CHERP: variants seen among roughly 807,000 people sequenced by gnomAD.
The protein encoded by CHERP is calcium homeostasis endoplasmic reticulum protein.
Under a neutral mutation model 113.8 loss-of-function variants are expected in CHERP, and 8 were observed. That is an observed-to-expected ratio of 0.07 (90% confidence interval 0.04 to 0.13). The LOEUF is 0.13. CHERP is among the 10% of genes least tolerant of loss of function. The pLI is 1.00. For missense variants in CHERP, 884 were observed against 1,298.2 expected (o/e 0.68, Z 4.90); for synonymous variants, 559 against 524.5 (o/e 1.07, Z -0.90).
chr19:16,521,460 G>A (rs2085614666), intron 12 of CHERP, 61 bp downstream of exon 12: 7 of 1,448,498 alleles, frequency 4.8e-6, no homozygotes, highest in Non-Finnish European at 1.8e-6. Flanking sequence ...AGGTGTGGTT[G>A]CAGGGAGCCG....
rs1444487026 is a variant in CHERP at position 16,532,577 on chromosome 19, G to T, written c.674+21C>A. 6.3e-7 allele frequency: 1 copy of T among 1,577,976 alleles called. No homozygotes were observed. Among genetic ancestry groups the T allele is most frequent in the Admixed American group, 1.7e-5 (1 of 58,406 alleles). Reference sequence around the variant, plus strand: ...GGAGCGCGAGGAAGTGGCGCTCTGGGCACGGGGTGGCGGCGCTCACCAGTG... The same window carrying T: ...GGAGCGCGAGGAAGTGGCGCTCTGGTCACGGGGTGGCGGCGCTCACCAGTG... On this transcript the variant is annotated intron_variant, in intron 5 of 16. Transcript: ENST00000546361. This position sits in a 1 kb window ranked among gnomAD's most constrained non-coding sequence, Gnocchi z 4.4.
Position 16,518,939 on chromosome 19 carries a change from C to T in CHERP, c.*220G>A, listed in dbSNP as rs1039420266. The T allele has an allele frequency of 3.3e-5, 19 of 570,404 alleles. No individual in the cohort carries two copies. Among genetic ancestry groups the T allele is most frequent in the Non-Finnish European group, 5.5e-5 (18 of 327,340 alleles). The allele number at this position is 570,404 out of a possible 1,614,324, so 35.3% of individuals were successfully genotyped here. A position where few individuals can be genotyped will look rare whatever the true frequency, so the allele number is the denominator to read the frequency against. On this transcript the variant is annotated 3_prime_UTR_variant, in exon 17 of 17. Transcript: ENST00000546361. ...GAGCCTGGGGCCCTGGTGGCTGCAG[C>T]GCCTCCTGGTGTGGTTTGTGGGTGG...
chr19:16,535,758 G>C lies in CHERP; in HGVS notation c.200-122C>G, dbSNP rs889293705. On this transcript the variant is annotated intron_variant, in intron 2 of 16. Coordinates refer to ENST00000546361, the MANE Select transcript of CHERP (RefSeq NM_006387.6). This position sits in a 1 kb window ranked among gnomAD's most constrained non-coding sequence, Gnocchi z 4.3. Reference sequence around the variant, plus strand: ...AGGGACTCACCATCCACGAGGGCCTGTTCATAGCCTCATGCCCACGCAAAC... The same window carrying C: ...AGGGACTCACCATCCACGAGGGCCTCTTCATAGCCTCATGCCCACGCAAAC... 7.5e-6 allele frequency: 7 copies of C among 936,290 alleles called. No individual in the cohort carries two copies. Among genetic ancestry groups the C allele is most frequent in the Non-Finnish European group, 1.1e-5 (7 of 648,582 alleles). The allele number at this position is 936,290 out of a possible 1,614,324, so 58.0% of individuals were successfully genotyped here.
At chr19:16,537,045 G>A (rs2085745658) in intron 2 of CHERP, among the ~76,000 whole-genome samples, 1 of 151,980 alleles carries the variant, frequency 6.6e-6, no homozygotes, top group Admixed American at 6.6e-5. Flanking sequence ...AAACACATCA[G>A]AATATTCTGG....
chr19:16,536,091 G>A (rs989392046), intron 2 of CHERP, among the ~76,000 whole-genome samples: 2 of 152,112 alleles, frequency 1.3e-5, no homozygotes, highest in Non-Finnish European at 2.9e-5. Context: ...CACAGCCACC[G>A]GGCCTCTGCA....
At position 16,535,778 on chromosome 19, in the gene CHERP, G is replaced by T. The variant is rs1311519092; in HGVS notation, c.200-142C>A. The stretch of plus-strand genomic sequence containing the variant: ...GGCCTGTTCATAGCCTCATGCCCAC[G>T]CAAACCAGCTCCTCCTAGTCTCGGG... On this transcript the variant is annotated intron_variant, in intron 2 of 16. Coordinates refer to ENST00000546361, the MANE Select transcript of CHERP (RefSeq NM_006387.6). The surrounding 1 kb of genome is among the most constrained non-coding windows in gnomAD (Gnocchi z 4.3). The T allele has an allele frequency of 2.7e-5, 20 of 743,804 alleles. No homozygotes were observed. Among genetic ancestry groups the T allele is most frequent in the Non-Finnish European group, 4.0e-5 (19 of 477,694 alleles). The allele number at this position is 743,804 out of a possible 1,614,324, so 46.1% of individuals were successfully genotyped here. A position where few individuals can be genotyped will look rare whatever the true frequency, so the allele number is the denominator to read the frequency against.
At chr19:16,528,666 T>C (rs1043016911) in intron 8 of CHERP, among the ~76,000 whole-genome samples, 50 of 152,214 alleles carry the variant, frequency 3.3e-4, no homozygotes, top group African/African-American at 1.1e-3. Context: ...TTAAAATCCT[T>C]TGCTAGGCCG....
chr19:16,533,265 G>T, intron 3 of CHERP, 117 bp from the exon 4 acceptor site: 1 of 970,778 alleles, frequency 1.0e-6, no homozygotes, highest in Non-Finnish European at 1.5e-6. Context: ...CGGACTCTGG[G>T]CTGCTCTGGC....
chr19:16,525,563 C>T lies in CHERP; in HGVS notation c.1420G>A (p.Gly474Ser), dbSNP rs748125653. 90 of 1,540,864 alleles carry T rather than the reference C, an allele frequency of 5.8e-5. 1 individual carries two copies. In the African/African-American group the frequency reaches 1.1e-3, roughly 19 times the overall value. ...TTGTTCCAGGGCGCGTCGCGCTGGC[C>T]GTTCCAGCCGGGGTCACCGCGCTGC... ...GEQRGDPGWN[G>S]QRDAPWNNQP... The change falls in exon 10 of 17, where the codon GGC becomes AGC. Residue 474 changes from glycine to serine, a missense_variant. Physicochemically the swap from Gly to Ser is moderately conservative, Grantham distance 56 (BLOSUM62 0). This residue lies in a region of CHERP where 464 missense variants were observed against 590.1 expected (regional missense o/e 0.79). Transcript: ENST00000546361. This position sits in a 1 kb window ranked among gnomAD's most constrained non-coding sequence, Gnocchi z 6.5.
rs1048007564 is a variant in CHERP, at chr19:16,518,005, C to A, written c.*1154G>T. ...CATACATTTTAACAATTCACAGCTA[C>A]AGGAAATCTAGAACAAAATCAAATA... On this transcript the variant is annotated 3_prime_UTR_variant, in exon 17 of 17. Coordinates refer to ENST00000546361, the MANE Select transcript of CHERP (RefSeq NM_006387.6). The A allele has an allele frequency of 1.4e-4, 21 of 152,254 alleles. No individual in the cohort carries two copies. The highest frequency in any genetic ancestry group is 5.1e-4 in the African/African-American group (21 of 41,464). 9.4% of individuals were successfully genotyped at this position (152,254 alleles called of 1,614,324 possible).
At position 16,523,953 on chromosome 19, in the gene CHERP, T is replaced by C. The variant is rs573552263; in HGVS notation, c.1742-663A>G. Among the ~76,000 whole-genome samples the C allele has an allele frequency of 3.9e-5, 6 of 152,322 alleles. No individual in the cohort carries two copies. The highest frequency in any genetic ancestry group is 7.3e-5 in the Non-Finnish European group (5 of 68,030). ...TTCAAGCTGCATTTATAATCAGAAA[T>C]GTATTTAAAGAGAGAAGGCTGGGCA... is the stretch of plus-strand genomic sequence containing the variant. On this transcript the variant is annotated intron_variant, in intron 10 of 16. Transcript: ENST00000546361. This position sits in a 1 kb window ranked among gnomAD's most constrained non-coding sequence, Gnocchi z 4.0.
At position 16,528,068 on chromosome 19, in the gene CHERP, T is replaced by A; in HGVS notation, c.1305+12A>T. On this transcript the variant is annotated intron_variant, in intron 9 of 16. Transcript: ENST00000546361. ...TGCCCCATCTGCTCCCACCCCAGGT[T>A]CCAATCAATACCTGCTGCTGGCCCC... The A allele has an allele frequency of 6.2e-7, 1 of 1,612,134 alleles. No homozygotes were observed. Among genetic ancestry groups the A allele is most frequent in the South Asian group, 1.1e-5 (1 of 91,002 alleles).
At position 16,519,049 on chromosome 19, in the gene CHERP, T is replaced by C; in HGVS notation, c.*110A>G. On this transcript the variant is annotated 3_prime_UTR_variant, in exon 17 of 17. Transcript: ENST00000546361. This position sits in a 1 kb window ranked among gnomAD's most constrained non-coding sequence, Gnocchi z 6.0. The stretch of plus-strand genomic sequence containing the variant: ...TTCTCTTCCTGTGGCTCTCCACAAG[T>C]GGAGACGGTGTAAGAACTGAGCTGT... 1.0e-6 allele frequency: 1 copy of C among 987,710 alleles called. No individual in the cohort carries two copies. Among genetic ancestry groups the C allele is most frequent in the South Asian group, 1.5e-5 (1 of 65,662 alleles). The allele number at this position is 987,710 out of a possible 1,614,324, so 61.2% of individuals were successfully genotyped here.
Position 16,535,461 on chromosome 19 carries a change from C to T in CHERP, c.375G>A (p.Ala125=), listed in dbSNP as rs374077437. ...GGCGGCGGGCCCATACCTGTCTGAG[C>T]GCCAGCAAGTGCTGCTCCTGCTGCT... is the stretch of plus-strand genomic sequence containing the variant. ...NLQQQEQHLL[A]LRQEQVTAAV... The change falls in exon 3 of 17, where the codon GCG becomes GCA. Residue 125 remains alanine (A), a synonymous_variant. Transcript: ENST00000546361. This position sits in a 1 kb window ranked among gnomAD's most constrained non-coding sequence, Gnocchi z 4.3. 31 of 1,608,188 alleles carry T rather than the reference C, an allele frequency of 1.9e-5. No individual in the cohort carries two copies. Among genetic ancestry groups the T allele is most frequent in the Admixed American group, 5.1e-5 (3 of 59,296 alleles).
Position 16,542,426 on chromosome 19 carries a change from A to T in CHERP, c.-48T>A. The T allele has an allele frequency of 7.6e-7, 1 of 1,318,292 alleles. No individual in the cohort carries two copies. Among genetic ancestry groups the T allele is most frequent in the Non-Finnish European group, 9.7e-7 (1 of 1,026,262 alleles). The allele number at this position is 1,318,292 out of a possible 1,614,324, so 81.7% of individuals were successfully genotyped here. ...CTCCGGCGCCACACGATCGACCACC[A>T]GCGCCGTCTGCGGAAGCCGGCCGGA... On this transcript the variant is annotated 5_prime_UTR_variant, in exon 1 of 17. Transcript: ENST00000546361.
At chr19:16,537,987 G>A (rs1050392604) in intron 2 of CHERP, among the ~76,000 whole-genome samples, 1 of 152,204 alleles carries the variant, frequency 6.6e-6, no homozygotes, top group African/African-American at 2.4e-5. Flanking sequence ...TCACCACAGA[G>A]TTCGTGAAGC....
chr19:16,518,875 G>T lies in CHERP; in HGVS notation c.*284C>A. ...TCGTGGCTGAAGAATTTACTCGGGC[G>T]GAGGGTCTTGTGTTTTTTGCTTCGC... is the stretch of plus-strand genomic sequence containing the variant. On this transcript the variant is annotated 3_prime_UTR_variant, in exon 17 of 17. Transcript: ENST00000546361. 2.2e-6 allele frequency: 1 copy of T among 445,728 alleles called. No homozygotes were observed. The highest frequency in any genetic ancestry group is 4.0e-6 in the Non-Finnish European group (1 of 250,044). The allele number at this position is 445,728 out of a possible 1,614,324, so 27.6% of individuals were successfully genotyped here.
chr19:16,529,044 AT>A (rs1377787169), intron 8 of CHERP, among the ~76,000 whole-genome samples: 9 of 152,058 alleles, frequency 5.9e-5, no homozygotes, highest in Non-Finnish European at 1.0e-4. Context: ...ACTAGATTGT[AT>A]TTTCTGAGAC....
chr19:16,528,794 A>G (rs917603338), intron 8 of CHERP, among the ~76,000 whole-genome samples: 1 of 152,194 alleles, frequency 6.6e-6, no homozygotes, highest in African/African-American at 2.4e-5. Context: ...TCTACTAAAA[A>G]TACAAAAAAG....
Sources: gnomAD v4.1 joint callset for allele counts (sites outside exome capture counted in the v4.1 genomes callset) on GRCh38, gnomAD v4.1.1 for gene constraint, gnomAD v4.1.1 regional missense constraint, Gnocchi (gnomAD v3.1) non-coding constraint, MANE v1.5 for transcripts, NCBI Gene and HGNC (gene_info 2026-07-23, HGNC 2026-07-21) for gene names.